The following UGT1A8 variants were observed in gnomAD, a reference collection of about 807,000 sequenced individuals.
UGT1A8 encodes the protein UDP glucuronosyltransferase family 1 member A8, also known as UDP-glucuronosyltransferase 1A8.
UGT1A8 carries 39 observed loss-of-function variants against 45.3 expected under a neutral mutation model. The observed-to-expected ratio is 0.86, with a 90% CI of 0.67 to 1.12. The LOEUF (loss-of-function observed/expected upper bound fraction) is 1.12. UGT1A8 is among the 50% of genes most tolerant of loss of function. The probability of loss-of-function intolerance (pLI) is 0.00; values close to 1 mark genes in which losing one functional copy is unlikely to be tolerated. For missense variants in UGT1A8, 719 were observed against 664.9 expected (o/e 1.08, Z -0.90); for synonymous variants, 275 against 249.2 (o/e 1.10, Z -0.97).
At chr2:233,619,206 A>T (rs2072954973) in intron 1 of UGT1A8, among the ~76,000 whole-genome samples, 1 of 152,144 alleles carries the variant, frequency 6.6e-6, no homozygotes, top group African/African-American at 2.4e-5. Flanking sequence ...ATTCTTCTTT[A>T]CCTTGCATTT....
At chr2:233,764,706 G>C (rs1698626413) in intron 1 of UGT1A8, among the ~76,000 whole-genome samples, 1 of 152,180 alleles carries the variant, frequency 6.6e-6, no homozygotes, top group Non-Finnish European at 1.5e-5. Context: ...AATGAGCTGT[G>C]TCTCCCCAAG....
intron 1 of UGT1A8, chr2:233,747,355 T>C: frequency 1.2e-6 from 2 of 1,603,184 alleles, no homozygotes; most frequent in East Asian, 2.2e-5. Context: ...CGGGAGGCCG[T>C]GCGGGAGCTC....
chr2:233,665,284 T>C (rs776359376), intron 1 of UGT1A8, among the ~76,000 whole-genome samples: 2 of 152,236 alleles, frequency 1.3e-5, no homozygotes, highest in Admixed American at 6.5e-5. Flanking sequence ...TTGATATAGA[T>C]TTAGGCATTT....
Position 233,757,558 on chromosome 2 carries a change from A to ATATATATATG in UGT1A8, c.856-9473_856-9472insATATATGTAT, listed in dbSNP as rs1553619909. ...GGAATATATATATATATATATATAT[A>ATATATATATG]TATGTATATATGATATAGCTATAGT... On this transcript the variant is annotated intron_variant, in intron 1 of 4. Transcript: ENST00000373450. 2.4e-5 allele frequency among the ~76,000 whole-genome samples: 3 copies of ATATATATATG among 124,458 alleles called. No homozygotes were observed. In the East Asian group the frequency reaches 6.3e-4, roughly 26 times the overall value. 81.6% of individuals were successfully genotyped at this position (124,458 alleles called of 152,430 possible). A position where few individuals can be genotyped will look rare whatever the true frequency, so the allele number is the denominator to read the frequency against.
chr2:233,713,388 C>CA (rs1287964776), intron 1 of UGT1A8: 1 of 1,614,146 alleles, frequency 6.2e-7, no homozygotes, highest in Admixed American at 1.7e-5. Context: ...GGAGCTACTG[C>CA]ATAATGAGGC....
At chr2:233,726,183 T>C (rs1209436998) in intron 1 of UGT1A8, among the ~76,000 whole-genome samples, 1 of 152,174 alleles carries the variant, frequency 6.6e-6, no homozygotes, top group Admixed American at 6.5e-5. Flanking sequence ...TAAAAATTTC[T>C]TTGGCATATG....
At chr2:233,725,264 G>GGCAGAGGCAGAGGCAGAGGCAGAGGCA (rs1216362118) in intron 1 of UGT1A8, among the ~76,000 whole-genome samples, 1 of 58,548 alleles carries the variant, frequency 1.7e-5, no homozygotes, top group African/African-American at 1.3e-4. Flanking sequence ...CAGAGGCAGA[G>GGCAGAGGCAGAGGCAGAGGCAGAGGCA]GAGGCAGAGG....
Position 233,618,087 on chromosome 2 carries a change from T to C in UGT1A8, c.380T>C (p.Leu127Ser). ...TTATTTTTTTCGCATTGCAGGAGTT[T>C]GTTTAATGACCGAAAATTAGTAGAA... ...FNLFFSHCRSLFNDRKLVEYL... is the reference protein window; with the variant it reads ...FNLFFSHCRSSFNDRKLVEYL... Residue 127 changes from leucine (L) to serine (S), a missense_variant, in exon 1 of 5, where the codon TTG (leucine) becomes TCG (serine). Physicochemically the swap from Leu to Ser is moderately radical, Grantham distance 145. Transcript: ENST00000373450. 6.2e-7 allele frequency: 1 copy of C among 1,614,162 alleles called. No individual in the cohort carries two copies. The highest frequency in any genetic ancestry group is 8.5e-7 in the Non-Finnish European group (1 of 1,180,022).
chr2:233,739,606 T>C (rs1247798454), intron 1 of UGT1A8, among the ~76,000 whole-genome samples: 1 of 152,250 alleles, frequency 6.6e-6, no homozygotes, highest in African/African-American at 2.4e-5. Flanking sequence ...CCCTTTGTTT[T>C]GGCCAGTTTC....
At chr2:233,729,551 A>C (rs749535297) in intron 1 of UGT1A8, 5 of 1,614,156 alleles carry the variant, frequency 3.1e-6, no homozygotes, top group Non-Finnish European at 3.4e-6. Context: ...AGGCACCTGA[A>C]TGCTACTTCC....
Position 233,772,785 on chromosome 2 carries a change from G to C in UGT1A8, c.*226G>C, listed in dbSNP as rs2126067599. ...GTGCCCCCTCTGGTGTCTTTGATCA[G>C]GATGACATGTGCCATTTTTCAGAGG... is the stretch of plus-strand genomic sequence containing the variant. On this transcript the variant is annotated 3_prime_UTR_variant, in exon 5 of 5. Transcript: ENST00000373450. 1 of 1,262,930 alleles carries C rather than the reference G, an allele frequency of 7.9e-7. No homozygotes were observed. The highest frequency in any genetic ancestry group is 1.0e-6 in the Non-Finnish European group (1 of 955,160). 78.2% of individuals were successfully genotyped at this position (1,262,930 alleles called of 1,614,324 possible).
chr2:233,648,011 G>T, intron 1 of UGT1A8: 1 of 1,603,254 alleles, frequency 6.2e-7, no homozygotes, highest in Non-Finnish European at 8.5e-7. Context: ...GTTGTAGTCA[G>T]GCCAGAGGTG....
At chr2:233,735,700 G>A (rs940691560) in intron 1 of UGT1A8, among the ~76,000 whole-genome samples, 1 of 151,948 alleles carries the variant, frequency 6.6e-6, no homozygotes, top group African/African-American at 2.4e-5. Context: ...TGTAAGGCAG[G>A]CCTGGTGGTG....
chr2:233,734,133 G>T lies in UGT1A8; in HGVS notation c.856-32901G>T, dbSNP rs9711095. Among the ~76,000 whole-genome samples the T allele has an allele frequency of 6.7e-3, 1,025 of 152,076 alleles. 39 individuals carry two copies. Among genetic ancestry groups the T allele is most frequent in the Admixed American group, 0.052 (802 of 15,280 alleles). ...ATAATAATAATAATAAAAAGAATTTGGCTGTGAATCCATCTGGTCCTGGAC... is the reference window on the plus strand; with the variant it reads ...ATAATAATAATAATAAAAAGAATTTTGCTGTGAATCCATCTGGTCCTGGAC... On this transcript the variant is annotated intron_variant, in intron 1 of 4. Transcript: ENST00000373450.
chr2:233,657,805 G>T (rs1293202771), intron 1 of UGT1A8, among the ~76,000 whole-genome samples: 1 of 152,000 alleles, frequency 6.6e-6, no homozygotes, highest in Non-Finnish European at 1.5e-5. Context: ...TATGTTCTTT[G>T]GTAAATGTTC....
In UGT1A8 at chr2:233,649,358, C is replaced by G. The variant is rs145399942; in HGVS notation, c.855+30796C>G. ...ATCTAAGCCTTCCAAGCAATTATGA[C>G]TTTTTTAGTATTTTTGGAAAAGTAT... is the stretch of plus-strand genomic sequence containing the variant. On this transcript the variant is annotated intron_variant, in intron 1 of 4. Coordinates refer to ENST00000373450, the MANE Select transcript of UGT1A8 (RefSeq NM_019076.5). 3.5e-3 allele frequency among the ~76,000 whole-genome samples: 540 copies of G among 152,192 alleles called. 10 individuals carry two copies. The highest frequency in any genetic ancestry group is 5.0e-3 in the East Asian group (26 of 5,174).
chr2:233,621,324 A>G (rs188423964), intron 1 of UGT1A8, among the ~76,000 whole-genome samples: 23 of 152,274 alleles, frequency 1.5e-4, no homozygotes, highest in Admixed American at 1.5e-3. Flanking sequence ...AGTCTCTTTG[A>G]ATTTTTGGTG....
intron 1 of UGT1A8, among the ~76,000 whole-genome samples, chr2:233,674,542 G>T (rs1489051089): frequency 6.6e-6 from 1 of 152,006 alleles, no homozygotes; most frequent in Non-Finnish European, 1.5e-5. Context: ...GGCCTTTAGA[G>T]ATATAAAAAC....
chr2:233,682,186 G>A, intron 1 of UGT1A8: 1 of 1,614,196 alleles, frequency 6.2e-7, no homozygotes, highest in Non-Finnish European at 8.5e-7. Flanking sequence ...CATACACTCT[G>A]GAGGATCAGG....
Sources: allele counts gnomAD v4.1 joint callset (sites outside exome capture counted in the v4.1 genomes callset), GRCh38; gene constraint gnomAD v4.1.1; transcripts MANE v1.5; gene names NCBI Gene and HGNC (gene_info 2026-07-23, HGNC 2026-07-21).